Variants in BEGAIN observed in about 807,000 individuals in gnomAD.
BEGAIN encodes the protein brain enriched guanylate kinase associated, also known as brain-enriched guanylate kinase-associated protein.
BEGAIN carries 19 observed loss-of-function variants against 35.8 expected under a neutral mutation model. That is an observed-to-expected ratio of 0.53 (90% confidence interval 0.37 to 0.78). The LOEUF is 0.78. BEGAIN is among the 30% of genes least tolerant of loss of function. The pLI is 0.00. For missense variants in BEGAIN, 795 were observed against 853.6 expected, an observed-to-expected ratio of 0.93 and a Z score of 0.85; for synonymous variants, 462 against 388.6, an observed-to-expected ratio of 1.19 and a Z score of -2.22.
At chr14:100,549,567 C>T (rs1419895052) in intron 2 of BEGAIN, 1 of 152,372 alleles carries the variant, frequency 6.6e-6, no homozygotes, top group South Asian at 2.1e-4. Context: ...GGTAGTACCT[C>T]CTTCCCTGTC....
chr14:100,545,428 C>T (rs2032238963), intron 3 of BEGAIN: 1 of 1,080,294 alleles, frequency 9.3e-7, no homozygotes, highest in Middle Eastern at 4.3e-4. Flanking sequence ...ATGGGGTTGA[C>T]AGTTCAAATG....
chr14:100,584,543 G>A (rs1222843492), intron 1 of BEGAIN, among the ~76,000 whole-genome samples: 1 of 152,202 alleles, frequency 6.6e-6, no homozygotes, highest in Admixed American at 6.5e-5. Context: ...GGTACAGCAT[G>A]TTAGGTGAGT....
chr14:100,551,840 G>A (rs2033234321), intron 2 of BEGAIN, among the ~76,000 whole-genome samples: 1 of 152,164 alleles, frequency 6.6e-6, no homozygotes, highest in Admixed American at 6.5e-5. Context: ...AAGTGGGCGG[G>A]GGTCTGATGC....
At chr14:100,570,320 T>C (rs2035038580) in intron 1 of BEGAIN, among the ~76,000 whole-genome samples, 2 of 152,162 alleles carry the variant, frequency 1.3e-5, no homozygotes, top group African/African-American at 4.8e-5. Flanking sequence ...GCTGCCCTGG[T>C]GGAGCAGTGG....
chr14:100,578,544 C>T (rs1566982431), intron 1 of BEGAIN, among the ~76,000 whole-genome samples: 1 of 152,248 alleles, frequency 6.6e-6, no homozygotes, highest in Non-Finnish European at 1.5e-5. Context: ...GACCACCTTT[C>T]CCAGGCTCCT....
chr14:100,543,762 C>G lies in BEGAIN; in HGVS notation c.408+96G>C, dbSNP rs571433083. 9.4e-6 allele frequency: 9 copies of G among 961,768 alleles called. No individual in the cohort carries two copies. The East Asian group carries it at 2.4e-4, about 25-fold the overall frequency. 59.6% of individuals were successfully genotyped at this position (961,768 alleles called of 1,614,324 possible). A position where few individuals can be genotyped will look rare whatever the true frequency, so the allele number is the denominator to read the frequency against. On this transcript the variant is annotated intron_variant, in intron 5 of 6. Coordinates refer to ENST00000554140, the MANE Select transcript of BEGAIN (RefSeq NM_001385089.1). ...GGGCCAAAGCAGCTGAGCTCAGGAC[C>G]CTTCAGAGTCAGAATGTGACTCCCA... is the stretch of plus-strand genomic sequence containing the variant.
intron 5 of BEGAIN, among the ~76,000 whole-genome samples, chr14:100,542,445 C>G (rs533270931): frequency 1.3e-5 from 2 of 152,226 alleles, no homozygotes; most frequent in African/African-American, 4.8e-5. Context: ...GGGCAGTCTC[C>G]GCCGGCATGC....
rs1164270453 is a variant in BEGAIN, at chr14:100,573,818, G to A, written c.43-5879C>T. On this transcript the variant is annotated intron_variant, in intron 1 of 6. Transcript: ENST00000554140. The surrounding 1 kb of genome is among the most constrained non-coding windows in gnomAD (Gnocchi z 4.2). The stretch of plus-strand genomic sequence containing the variant: ...TGGCCAGATCAGAGGTGACACAGCC[G>A]CAGCACTGGGGAGGCCGCCAGGGCA... Among the ~76,000 whole-genome samples, 1 of 152,024 alleles carries A rather than the reference G, an allele frequency of 6.6e-6. No individual in the cohort carries two copies. Among genetic ancestry groups the A allele is most frequent in the African/African-American group, 2.4e-5 (1 of 41,368 alleles).
At position 100,573,713 on chromosome 14, in the gene BEGAIN, G is replaced by C. The variant is rs77491828; in HGVS notation, c.43-5774C>G. Among the ~76,000 whole-genome samples the C allele has an allele frequency of 1.3e-5, 2 of 152,258 alleles. No individual in the cohort carries two copies. Among genetic ancestry groups the C allele is most frequent in the East Asian group, 3.9e-4 (2 of 5,162 alleles). ...GAATTCAGGGCTGGTGGTGCCCCTT[G>C]GCCATCCCAGGGGAGACACCAAGGG... On this transcript the variant is annotated intron_variant, in intron 1 of 6. Transcript: ENST00000554140. This position sits in a 1 kb window ranked among gnomAD's most constrained non-coding sequence, Gnocchi z 4.2.
Position 100,546,776 on chromosome 14 carries a change from G to GCA in BEGAIN, c.72-115_72-114insTG, listed in dbSNP as rs1389719323. The GCA allele has an allele frequency of 8.8e-3, 5,961 of 676,852 alleles. 95 individuals carry two copies. The highest frequency in any genetic ancestry group is 0.067 in the African/African-American group (2,278 of 34,204). The allele number at this position is 676,852 out of a possible 1,614,324, so 41.9% of individuals were successfully genotyped here. A position where few individuals can be genotyped will look rare whatever the true frequency, so the allele number is the denominator to read the frequency against. Reference sequence around the variant, plus strand: ...CACGCGAGTACCGGCGCGCGCGCGCGCGCGCACACACACACACACACACAC... The same window carrying GCA: ...CACGCGAGTACCGGCGCGCGCGCGCGCACGCGCACACACACACACACACACAC... On this transcript the variant is annotated intron_variant, in intron 2 of 6. Coordinates refer to ENST00000554140, the MANE Select transcript of BEGAIN (RefSeq NM_001385089.1).
chr14:100,561,362 C>T (rs578220057), intron 2 of BEGAIN, among the ~76,000 whole-genome samples: 4 of 152,194 alleles, frequency 2.6e-5, no homozygotes, highest in Non-Finnish European at 5.9e-5. Context: ...TGCATGACCC[C>T]AGCGTGCACT....
In BEGAIN at chr14:100,559,977, G is replaced by T. The variant is rs2034095460; in HGVS notation, c.71+7934C>A. On this transcript the variant is annotated intron_variant, in intron 2 of 6. Transcript: ENST00000554140. The stretch of plus-strand genomic sequence containing the variant: ...CCTCCCTCCCAAAGCCAGGCCCGGG[G>T]CTCCCTAAGCCTCCCTTTAGTGGTG... Among the ~76,000 whole-genome samples the T allele has an allele frequency of 3.3e-5, 5 of 152,222 alleles. No individual in the cohort carries two copies. In the South Asian group the frequency reaches 1.0e-3, roughly 32 times the overall value.
At chr14:100,583,882 A>T (rs1487641358) in intron 1 of BEGAIN, among the ~76,000 whole-genome samples, 1 of 151,832 alleles carries the variant, frequency 6.6e-6, no homozygotes, top group Non-Finnish European at 1.5e-5. Flanking sequence ...GTATTTTTAT[A>T]GAGACGGGGT....
At position 100,567,875 on chromosome 14, in the gene BEGAIN, C is replaced by T; in HGVS notation, c.71+36G>A. On this transcript the variant is annotated intron_variant, in intron 2 of 6. Transcript: ENST00000554140. The surrounding 1 kb of genome is among the most constrained non-coding windows in gnomAD (Gnocchi z 5.1). ...CCAGCGCCCTCACCCCCGACCCGGC[C>T]CCCGCGAGCCGCGGCACGGGAGACG... The T allele has an allele frequency of 2.0e-6, 3 of 1,463,808 alleles. No homozygotes were observed. Among genetic ancestry groups the T allele is most frequent in the East Asian group, 6.2e-5 (2 of 32,010 alleles). 90.7% of individuals were successfully genotyped at this position (1,463,808 alleles called of 1,614,324 possible).
chr14:100,538,620 G>A lies in BEGAIN; in HGVS notation c.1188C>T (p.Ala396=), dbSNP rs542292676. 1 of 1,548,694 alleles carries A rather than the reference G, an allele frequency of 6.5e-7. No homozygotes were observed. The highest frequency in any genetic ancestry group is 1.2e-5 in the South Asian group (1 of 83,812). Residue 396 remains alanine (A), a synonymous_variant, in exon 7 of 7, where the codon GCC becomes GCT. Coordinates refer to ENST00000554140, the MANE Select transcript of BEGAIN (RefSeq NM_001385089.1). ...GAGAGGCCGGGAAGCGGAAGGTCTCGGCCGGGTACGGTGACATGGTCCGCC... is the reference window on the plus strand; with the variant it reads ...GAGAGGCCGGGAAGCGGAAGGTCTCAGCCGGGTACGGTGACATGGTCCGCC... ...GFGRTMSPYP[A]ETFRFPASPG...
intron 2 of BEGAIN, chr14:100,550,387 C>G: frequency 2.5e-6 from 1 of 399,044 alleles, no homozygotes; most frequent in Non-Finnish European, 4.4e-6. Context: ...CGCAGAGACA[C>G]CAGGGAGCCG....
chr14:100,581,456 G>A (rs2035313889), intron 1 of BEGAIN, among the ~76,000 whole-genome samples: 1 of 152,142 alleles, frequency 6.6e-6, no homozygotes, highest in Admixed American at 6.5e-5. Context: ...CTCTCCTGGA[G>A]GGGCTTCCGG....
chr14:100,573,208 G>C lies in BEGAIN; in HGVS notation c.43-5269C>G, dbSNP rs2035125443. Among the ~76,000 whole-genome samples the C allele has an allele frequency of 7.3e-6, 1 of 137,888 alleles. No homozygotes were observed. The highest frequency in any genetic ancestry group is 1.6e-5 in the Non-Finnish European group (1 of 63,460). The allele number at this position is 137,888 out of a possible 152,430, so 90.5% of individuals were successfully genotyped here. A position where few individuals can be genotyped will look rare whatever the true frequency, so the allele number is the denominator to read the frequency against. ...GGGGGAGGGGCTTCCGGAGGAGGGG[G>C]CTGGTGAGTCTGGGGGGAGGGGCTT... is the stretch of plus-strand genomic sequence containing the variant. On this transcript the variant is annotated intron_variant, in intron 1 of 6. Transcript: ENST00000554140. The surrounding 1 kb of genome is among the most constrained non-coding windows in gnomAD (Gnocchi z 4.2).
chr14:100,574,652 G>A (rs993492887), intron 1 of BEGAIN, among the ~76,000 whole-genome samples: 20 of 152,198 alleles, frequency 1.3e-4, no homozygotes, highest in African/African-American at 4.8e-4. Flanking sequence ...TTCCCACGTG[G>A]CAACAGTCAG....
Sources: gnomAD v4.1 joint callset for allele counts (sites outside exome capture counted in the v4.1 genomes callset) on GRCh38, gnomAD v4.1.1 for gene constraint, Gnocchi (gnomAD v3.1) non-coding constraint, MANE v1.5 for transcripts, NCBI Gene and HGNC (gene_info 2026-07-23, HGNC 2026-07-21) for gene names.